SPATA22: variants seen among roughly 807,000 people sequenced by gnomAD.
The protein encoded by SPATA22 is spermatogenesis-associated protein 22.
A neutral mutation model predicts 47.8 loss-of-function variants in SPATA22; 29 were observed. That is an observed-to-expected ratio of 0.61 (90% CI 0.45 to 0.83). The LOEUF is 0.83. SPATA22 is among the 40% of genes least tolerant of loss of function. The probability of loss-of-function intolerance (pLI) is 0.00; values close to 1 mark genes in which losing one functional copy is unlikely to be tolerated. For missense variants in SPATA22, 410 were observed against 421.7 expected (o/e 0.97, Z 0.24); for synonymous variants, 133 against 140.9 (o/e 0.94, Z 0.40).
intron 6 of SPATA22, 48 bp downstream of exon 6, chr17:3,448,759 T>C (rs1236141368): frequency 2.2e-6 from 3 of 1,385,532 alleles, no homozygotes; most frequent in African/African-American, 1.5e-5. Flanking sequence ...ATTTACCTCA[T>C]ATTTTTAAAA....
intron 2 of SPATA22, chr17:3,468,830 GT>G: frequency 1.3e-6 from 1 of 743,086 alleles, no homozygotes; most frequent in Non-Finnish European, 1.6e-6. Flanking sequence ...ATAAATAATA[GT>G]TACTATTATC....
intron 3 of SPATA22, among the ~76,000 whole-genome samples, chr17:3,464,078 C>T (rs988911763): frequency 1.3e-5 from 2 of 151,790 alleles, no homozygotes; most frequent in Non-Finnish European, 2.9e-5. Context: ...TGCAACCTCC[C>T]TGCCTGATTC....
intron 1 of SPATA22, chr17:3,494,493 T>C: frequency 6.6e-7 from 1 of 1,519,564 alleles, no homozygotes; most frequent in Non-Finnish European, 9.1e-7. Flanking sequence ...ATGTTGAAAA[T>C]AATAATGCTG....
At chr17:3,443,850 AC>A (rs2072653437) in intron 7 of SPATA22, among the ~76,000 whole-genome samples, 1 of 140,470 alleles carries the variant, frequency 7.1e-6, no homozygotes. Flanking sequence ...AAGTTAACAT[AC>A]CCAACACCTT....
intron 1 of SPATA22, among the ~76,000 whole-genome samples, chr17:3,470,504 C>A (rs931153479): frequency 6.6e-6 from 1 of 152,056 alleles, no homozygotes; most frequent in Non-Finnish European, 1.5e-5. Context: ...AATCCCAGCA[C>A]TTTGGGAGGC....
intron 2 of SPATA22, chr17:3,468,823 A>G: frequency 1.9e-5 from 13 of 669,066 alleles, no homozygotes; most frequent in South Asian, 6.4e-5. Context: ...ATCCACCATA[A>G]ATAATAGTTA....
chr17:3,498,846 A>G (rs2073952457), intron 1 of SPATA22: 2 of 1,437,430 alleles, frequency 1.4e-6, no homozygotes, highest in Non-Finnish European at 1.8e-6. Context: ...TTTTTAGAGG[A>G]GAAAAACCAA....
rs529923250 is a variant in SPATA22 at position 3,501,675 on chromosome 17, G to A, written c.-74+11737C>T. On this transcript the variant is annotated intron_variant, in intron 1 of 8. Transcript: ENST00000541913. ...CCTATTTTGAAATGAGTTCGGCTGG[G>A]AGAAGTGGCTCATGCCTGTCGTCCT... 117 of 156,566 alleles carry A rather than the reference G, an allele frequency of 7.5e-4. 1 individual carries two copies. In the South Asian group the frequency reaches 0.011, roughly 15 times the overall value. 9.7% of individuals were successfully genotyped at this position (156,566 alleles called of 1,614,324 possible). A position where few individuals can be genotyped will look rare whatever the true frequency, so the allele number is the denominator to read the frequency against.
rs541684126 is a variant in SPATA22 at position 3,444,300 on chromosome 17, C to T, written c.803-1029G>A. The stretch of plus-strand genomic sequence containing the variant: ...GGATTTGTCCCCATCCCCAGATCCA[C>T]GAGTGAACTGTGACTGACTTAATCC... On this transcript the variant is annotated intron_variant, in intron 7 of 8. Transcript: ENST00000572969. Among the ~76,000 whole-genome samples, 18 of 152,102 alleles carry T rather than the reference C, an allele frequency of 1.2e-4. No homozygotes were observed. In the South Asian group the frequency reaches 2.7e-3, roughly 23 times the overall value.
chr17:3,486,597 C>T (rs2073726592), intron 1 of SPATA22, among the ~76,000 whole-genome samples: 1 of 152,160 alleles, frequency 6.6e-6, no homozygotes, highest in Non-Finnish European at 1.5e-5. Context: ...TTCTCTAGTC[C>T]ATTCTCTTTC....
intron 5 of SPATA22, 49 bp from the exon 6 acceptor site, chr17:3,449,198 T>A: frequency 7.5e-7 from 1 of 1,332,732 alleles, no homozygotes; most frequent in Non-Finnish European, 1.0e-6. Flanking sequence ...GTTTCTTAAT[T>A]ACAAAAAAAA....
chr17:3,449,020 T>C lies in SPATA22; in HGVS notation c.459A>G (p.Gln153=), dbSNP rs563539635. The stretch of plus-strand genomic sequence containing the variant: ...CAGGTATTCTTAATTGTTTTTGTTG[T>C]TGAGCTCCCGAACTCACTGGACAAG... ...KNSCPVSSGA[Q]QQKQLRIPEP... The change falls in exon 6 of 9, where the codon CAA becomes CAG. Residue 153 remains glutamine, a synonymous_variant. Transcript: ENST00000572969. 3.2e-5 allele frequency: 52 copies of C among 1,613,954 alleles called. No homozygotes were observed. The highest frequency in any genetic ancestry group is 4.0e-5 in the Non-Finnish European group (47 of 1,179,992).
intron 1 of SPATA22, among the ~76,000 whole-genome samples, chr17:3,503,813 G>A (rs8078055): frequency 0.9 from 137,201 of 152,210 alleles, 62,733 homozygotes; most frequent in Non-Finnish European, 0.98. Context: ...TTTATAAAAT[G>A]GGAATGATAA....
At chr17:3,446,962 A>ACATT (rs1238580349) in intron 6 of SPATA22, among the ~76,000 whole-genome samples, 2 of 152,166 alleles carry the variant, frequency 1.3e-5, no homozygotes, top group Admixed American at 1.3e-4. Context: ...GGAGCCAGAC[A>ACATT]CATTCATTCA....
intron 5 of SPATA22, among the ~76,000 whole-genome samples, chr17:3,458,738 G>A (rs968033255): frequency 2.0e-5 from 3 of 151,598 alleles, no homozygotes; most frequent in Non-Finnish European, 4.4e-5. Context: ...TTACTCGAGA[G>A]GCTGAGGCAG....
intron 3 of SPATA22, among the ~76,000 whole-genome samples, chr17:3,464,789 G>A (rs373936551): frequency 7.5e-4 from 68 of 90,200 alleles, no homozygotes; most frequent in African/African-American, 2.4e-3. Context: ...CCCGGCAGCC[G>A]CCCCGTCTGA....
At chr17:3,461,421 T>C (rs924870434) in intron 5 of SPATA22, among the ~76,000 whole-genome samples, 1 of 152,180 alleles carries the variant, frequency 6.6e-6, no homozygotes, top group Admixed American at 6.5e-5. Context: ...CAAATTGTAA[T>C]ATCCAATACT....
upstream of SPATA22, chr17:3,472,023 G>C (rs916166730): frequency 8.0e-6 from 2 of 249,066 alleles, no homozygotes; most frequent in Non-Finnish European, 1.3e-5. Flanking sequence ...CCTGTGACTG[G>C]AGAGACAGAG....
At chr17:3,473,430 A>G (rs2073476864), upstream of SPATA22, among the ~76,000 whole-genome samples, 1 of 152,236 alleles carries the variant, frequency 6.6e-6, no homozygotes, top group African/African-American at 2.4e-5. Context: ...TTTGTCTCCT[A>G]CAAAATTTCT....
Sources: gnomAD v4.1 joint callset for allele counts (sites outside exome capture counted in the v4.1 genomes callset) on GRCh38, gnomAD v4.1.1 for gene constraint, MANE v1.5 for transcripts, NCBI Gene and HGNC (gene_info 2026-07-23, HGNC 2026-07-21) for gene names.